CHRM5: variants seen among roughly 807,000 people sequenced by gnomAD.
CHRM5 encodes the protein cholinergic receptor muscarinic 5, also known as muscarinic acetylcholine receptor M5.
CHRM5 carries 18 observed loss-of-function variants against 39.0 expected under a neutral mutation model. The observed-to-expected ratio is 0.46, with a 90% CI of 0.32 to 0.68. The LOEUF is 0.68. Among genes scored for constraint, CHRM5 ranks in the 30% least tolerant of loss-of-function variants. The pLI is 0.04. For synonymous variants in CHRM5, 241 were observed against 246.3 expected (o/e 0.98, Z 0.20); for missense variants, 515 against 651.1 (o/e 0.79, Z 2.28).
intron 1 of CHRM5, among the ~76,000 whole-genome samples, chr15:33,978,414 A>G (rs899766347): frequency 6.6e-6 from 1 of 152,210 alleles, no homozygotes; most frequent in Admixed American, 6.5e-5. Context: ...CTGTAATCCC[A>G]GCACTTTAGG....
intron 1 of CHRM5, among the ~76,000 whole-genome samples, chr15:33,989,213 A>G (rs1896612507): frequency 6.6e-6 from 1 of 152,176 alleles, no homozygotes; most frequent in South Asian, 2.1e-4. Context: ...CTAATTACAT[A>G]TATATGTTAG....
intron 1 of CHRM5, among the ~76,000 whole-genome samples, chr15:33,983,156 GTGTA>G (rs1299043179): frequency 2.9e-5 from 3 of 102,438 alleles, no homozygotes; most frequent in Admixed American, 9.6e-5. Flanking sequence ...GTGTGTGTGT[GTGTA>G]TGTGTGTGTG....
intron 2 of CHRM5, among the ~76,000 whole-genome samples, chr15:34,050,915 C>A (rs1177332139): frequency 6.6e-6 from 1 of 152,128 alleles, no homozygotes; most frequent in Non-Finnish European, 1.5e-5. Flanking sequence ...GACTTTAACA[C>A]CCCACCGACT....
At chr15:33,978,638 G>C (rs925303584) in intron 1 of CHRM5, among the ~76,000 whole-genome samples, 1 of 151,916 alleles carries the variant, frequency 6.6e-6, no homozygotes, top group Non-Finnish European at 1.5e-5. Flanking sequence ...ATGCCAGCCT[G>C]GGTGACAGAG....
rs1400080002 is a variant in CHRM5, at chr15:33,983,198, GTGTATA to G, written c.-408+14050_-408+14055del. On this transcript the variant is annotated intron_variant, in intron 1 of 2. Coordinates refer to ENST00000383263, the MANE Select transcript of CHRM5 (RefSeq NM_012125.4). ...TATATACACACGTGTGTGTATGTGTGTGTATATATATATATACATATATATACACAC... is the reference window on the plus strand; with the variant it reads ...TATATACACACGTGTGTGTATGTGTGTATATATATACATATATATACACAC... Among the ~76,000 whole-genome samples the G allele has an allele frequency of 2.9e-3, 133 of 45,316 alleles. 2 individuals carry two copies. The East Asian group carries it at 0.11, about 37-fold the overall frequency. The allele number at this position is 45,316 out of a possible 152,430, so 29.7% of individuals were successfully genotyped here. A position where few individuals can be genotyped will look rare whatever the true frequency, so the allele number is the denominator to read the frequency against.
chr15:33,995,810 T>G, intron 1 of CHRM5, among the ~76,000 whole-genome samples: 1 of 152,186 alleles, frequency 6.6e-6, no homozygotes, highest in South Asian at 2.1e-4. Flanking sequence ...AGGTACCTGG[T>G]TCATCTCATT....
intron 2 of CHRM5, among the ~76,000 whole-genome samples, chr15:34,050,973 C>A (rs1421512877): frequency 6.6e-6 from 1 of 152,076 alleles, no homozygotes; most frequent in African/African-American, 2.4e-5. Context: ...ATATTCAGGA[C>A]CTGAACTCAG....
Position 33,986,718 on chromosome 15 carries a change from G to A in CHRM5, c.-408+17568G>A, listed in dbSNP as rs148131373. ...GTCACCTAGGCTTGAATGCAGTGGCGCAATCTTGGCTCACTGCAACCTCCG... is the reference window on the plus strand; with the variant it reads ...GTCACCTAGGCTTGAATGCAGTGGCACAATCTTGGCTCACTGCAACCTCCG... On this transcript the variant is annotated intron_variant, in intron 1 of 2. Transcript: ENST00000383263. 1.1e-4 allele frequency among the ~76,000 whole-genome samples: 17 copies of A among 151,948 alleles called. No individual in the cohort carries two copies. In the East Asian group the frequency reaches 2.5e-3, roughly 23 times the overall value.
chr15:33,970,966 G>C (rs1895612639), intron 1 of CHRM5, among the ~76,000 whole-genome samples: 1 of 151,766 alleles, frequency 6.6e-6, no homozygotes. Flanking sequence ...TCAAGGCTTT[G>C]CTCTATAATA....
At chr15:34,033,057 T>A (rs1898936973) in intron 1 of CHRM5, among the ~76,000 whole-genome samples, 1 of 152,192 alleles carries the variant, frequency 6.6e-6, no homozygotes. Flanking sequence ...ATGTGAACAA[T>A]GTTTCTCAAT....
chr15:34,058,487 A>AATTTCCCAAACAGGCCACTATAAATCT (rs1900231672), intron 2 of CHRM5, among the ~76,000 whole-genome samples: 1 of 151,814 alleles, frequency 6.6e-6, no homozygotes, highest in African/African-American at 2.4e-5. Flanking sequence ...AGAGAGAGCC[A>AATTTCCCAAACAGGCCACTATAAATCT]ATTTCCCAAA....
chr15:34,034,881 T>C (rs1312629629), intron 1 of CHRM5, among the ~76,000 whole-genome samples: 1 of 152,190 alleles, frequency 6.6e-6, no homozygotes, highest in Non-Finnish European at 1.5e-5. Flanking sequence ...TGCTTCAGGC[T>C]TTCTGGAAAA....
At chr15:34,029,511 T>C (rs1292515261) in intron 1 of CHRM5, among the ~76,000 whole-genome samples, 1 of 74,058 alleles carries the variant, frequency 1.4e-5, no homozygotes, top group Non-Finnish European at 3.2e-5. Context: ...GTAGACCCTA[T>C]TTCTACAAAA....
chr15:34,016,837 A>G (rs1365387319), intron 1 of CHRM5, among the ~76,000 whole-genome samples: 6 of 152,092 alleles, frequency 3.9e-5, no homozygotes, highest in Non-Finnish European at 7.4e-5. Context: ...CCAAAATATC[A>G]CTTGCCAACA....
At chr15:33,994,180 C>T (rs1896843787) in intron 1 of CHRM5, among the ~76,000 whole-genome samples, 14 of 152,210 alleles carry the variant, frequency 9.2e-5, no homozygotes, top group Admixed American at 9.2e-4. Context: ...CAGCCACTCC[C>T]TACTGCTTGC....
At chr15:33,971,216 AAC>A (rs1895624816) in intron 1 of CHRM5, among the ~76,000 whole-genome samples, 1 of 152,038 alleles carries the variant, frequency 6.6e-6, no homozygotes, top group East Asian at 1.9e-4. Context: ...AGAGATTCTG[AAC>A]AGTCTTGGGA....
At chr15:34,030,380 C>CT in intron 1 of CHRM5, among the ~76,000 whole-genome samples, 1 of 152,246 alleles carries the variant, frequency 6.6e-6, no homozygotes, top group South Asian at 2.1e-4. Context: ...GAGTCTTGCT[C>CT]TGTCGCCCAG....
intron 1 of CHRM5, among the ~76,000 whole-genome samples, chr15:34,022,695 C>T (rs1400547387): frequency 6.6e-6 from 1 of 152,196 alleles, no homozygotes; most frequent in African/African-American, 2.4e-5. Flanking sequence ...CTCTCTGCTT[C>T]ACAGAATTTT....
chr15:34,003,118 C>T (rs1897202250), intron 1 of CHRM5: 6 of 1,613,650 alleles, frequency 3.7e-6, no homozygotes, highest in Non-Finnish European at 5.1e-6. Flanking sequence ...ATCTTGATAT[C>T]GATCCCAGTT....
Sources: gnomAD v4.1 joint callset for allele counts (sites outside exome capture counted in the v4.1 genomes callset) on GRCh38, gnomAD v4.1.1 for gene constraint, MANE v1.5 for transcripts, NCBI Gene and HGNC (gene_info 2026-07-23, HGNC 2026-07-21) for gene names.